The following SH3PXD2A variants were observed in gnomAD, a reference collection of about 807,000 sequenced individuals.
SH3PXD2A encodes the protein SH3 and PX domains 2A, also known as SH3 and PX domain-containing protein 2A.
A neutral mutation model predicts 115.2 loss-of-function variants in SH3PXD2A; 32 were observed. That is an observed-to-expected ratio of 0.28 (90% CI 0.21 to 0.37). The LOEUF (loss-of-function observed/expected upper bound fraction) is 0.37. Ranked by LOEUF, SH3PXD2A falls within the 10% of genes least tolerant of loss-of-function variation. The probability of loss-of-function intolerance (pLI) is 1.00; values close to 1 mark genes in which losing one functional copy is unlikely to be tolerated. For missense variants in SH3PXD2A, 1,328 were observed against 1,498.7 expected (o/e 0.89, Z 1.88); for synonymous variants, 610 against 629.1 (o/e 0.97, Z 0.45).
At chr10:103,608,299 C>T (rs1006073826) in intron 13 of SH3PXD2A, among the ~76,000 whole-genome samples, 7 of 150,490 alleles carry the variant, frequency 4.7e-5, no homozygotes, top group Non-Finnish European at 8.9e-5. Flanking sequence ...TCCCAGGGAA[C>T]GAGGCCCTGT....
intron 1 of SH3PXD2A, among the ~76,000 whole-genome samples, chr10:103,844,474 A>G (rs192571485): frequency 5.4e-4 from 82 of 152,336 alleles, no homozygotes; most frequent in Middle Eastern, 6.8e-3. Context: ...GCCTATCATG[A>G]AAGAGTTTAC....
At chr10:103,675,838 T>A (rs894431324) in intron 6 of SH3PXD2A, among the ~76,000 whole-genome samples, 2 of 151,870 alleles carry the variant, frequency 1.3e-5, no homozygotes, top group African/African-American at 4.8e-5. Flanking sequence ...AGGTCAGGAG[T>A]TCGAGACCAG....
At chr10:103,809,659 C>CCT (rs2039246039) in intron 1 of SH3PXD2A, among the ~76,000 whole-genome samples, 1 of 12,956 alleles carries the variant, frequency 7.7e-5, no homozygotes, top group Non-Finnish European at 1.6e-4. Context: ...CTCCTTCCCT[C>CCT]TCCCTCCCTC....
At chr10:103,801,486 C>A in intron 1 of SH3PXD2A, 124 bp from the exon 2 acceptor site, 1 of 626,660 alleles carries the variant, frequency 1.6e-6, no homozygotes, top group South Asian at 1.7e-5. Context: ...TCTCATCTGT[C>A]CCTAGGGGCT....
intron 7 of SH3PXD2A, among the ~76,000 whole-genome samples, chr10:103,662,365 A>G: frequency 8.6e-6 from 1 of 116,480 alleles, no homozygotes; most frequent in Non-Finnish European, 1.7e-5. Context: ...GGGGGGGATA[A>G]GACACTTAAA....
At chr10:103,754,034 A>C (rs2038610733) in intron 3 of SH3PXD2A, 2 of 152,214 alleles carry the variant, frequency 1.3e-5, no homozygotes, top group African/African-American at 4.8e-5. Context: ...GCCAGGAGTA[A>C]AAACTGTGCC....
rs1445909661 is a variant in SH3PXD2A, at chr10:103,746,504, T to C, written c.230-10696A>G. On this transcript the variant is annotated intron_variant, in intron 3 of 14. Coordinates refer to ENST00000369774, the MANE Select transcript of SH3PXD2A (RefSeq NM_001394015.1). The surrounding 1 kb of genome is among the most constrained non-coding windows in gnomAD (Gnocchi z 4.4). ...CAGGCTAATTTTTTGTATTTTTTTG[T>C]AGAAACTGGGTTTCACCATGTAGCC... is the stretch of plus-strand genomic sequence containing the variant. Among the ~76,000 whole-genome samples, 1 of 152,072 alleles carries C rather than the reference T, an allele frequency of 6.6e-6. No individual in the cohort carries two copies. Among genetic ancestry groups the C allele is most frequent in the East Asian group, 1.9e-4 (1 of 5,180 alleles).
In SH3PXD2A at chr10:103,602,472, C is replaced by A. The variant is rs969758090; in HGVS notation, c.2746G>T (p.Gly916Cys). The A allele has an allele frequency of 6.2e-7, 1 of 1,614,022 alleles. No homozygotes were observed. Among genetic ancestry groups the A allele is most frequent in the Non-Finnish European group, 8.5e-7 (1 of 1,180,014 alleles). ...TCTGATTTGCCTTCGTTCTGCCTGC[C>A]CTTGGCGGGCACTGTGTCCAGCTCT... is the stretch of plus-strand genomic sequence containing the variant. Reference protein sequence around the residue: ...GKELDTVPAKGRQNEGKSDSL... With the variant: ...GKELDTVPAKCRQNEGKSDSL... Residue 916 changes from glycine to cysteine, a missense_variant, in exon 15 of 15, where the codon GGC becomes TGC. Physicochemically the swap from Gly to Cys is radical, Grantham distance 159 (BLOSUM62 -3). Coordinates refer to ENST00000369774, the MANE Select transcript of SH3PXD2A (RefSeq NM_001394015.1).
chr10:103,660,176 C>G (rs2037270611), intron 8 of SH3PXD2A, among the ~76,000 whole-genome samples: 1 of 152,182 alleles, frequency 6.6e-6, no homozygotes, highest in Admixed American at 6.5e-5. Context: ...CATGCAAGCC[C>G]TGGGAGGCTG....
chr10:103,829,021 C>T (rs1344762222), intron 1 of SH3PXD2A, among the ~76,000 whole-genome samples: 1 of 152,180 alleles, frequency 6.6e-6, no homozygotes, highest in East Asian at 1.9e-4. Flanking sequence ...GAAGTCTCCA[C>T]CACATCTTTT....
At chr10:103,722,564 A>C (rs186238324) in intron 5 of SH3PXD2A, among the ~76,000 whole-genome samples, 112 of 151,020 alleles carry the variant, frequency 7.4e-4, no homozygotes, top group Admixed American at 2.0e-3. Context: ...GGCTTCTCAA[A>C]GTGCTGGGAT....
At chr10:103,654,770 T>C (rs1477206626) in intron 8 of SH3PXD2A, among the ~76,000 whole-genome samples, 10 of 152,052 alleles carry the variant, frequency 6.6e-5, no homozygotes, top group African/African-American at 2.4e-4. Flanking sequence ...GGTACAATTA[T>C]CCCCATTTTA....
At chr10:103,805,456 A>C (rs2039192561) in intron 1 of SH3PXD2A, among the ~76,000 whole-genome samples, 1 of 152,232 alleles carries the variant, frequency 6.6e-6, no homozygotes. Context: ...CATGGTTATC[A>C]CTGGAGTGTG....
chr10:103,686,138 T>C (rs1406680122), intron 6 of SH3PXD2A, among the ~76,000 whole-genome samples: 1 of 152,190 alleles, frequency 6.6e-6, no homozygotes, highest in Non-Finnish European at 1.5e-5. Context: ...GCTCACCACT[T>C]TTCCAAGGAG....
intron 10 of SH3PXD2A, among the ~76,000 whole-genome samples, chr10:103,621,469 G>T (rs1238538809): frequency 3.9e-5 from 6 of 152,248 alleles, no homozygotes; most frequent in Non-Finnish European, 7.3e-5. Flanking sequence ...CCTGTGTCCA[G>T]GCTTCCTGCT....
chr10:103,736,432 C>T (rs190586947), intron 3 of SH3PXD2A, among the ~76,000 whole-genome samples: 1 of 152,388 alleles, frequency 6.6e-6, no homozygotes, highest in African/African-American at 2.4e-5. Flanking sequence ...ATGCCAGCCC[C>T]TCAGACCTTC....
intron 5 of SH3PXD2A, among the ~76,000 whole-genome samples, chr10:103,721,321 C>T (rs1038793733): frequency 6.6e-6 from 1 of 152,172 alleles, no homozygotes; most frequent in Non-Finnish European, 1.5e-5. Flanking sequence ...GGCCAAAGAT[C>T]ACTGAGCCTT....
chr10:103,782,346 T>C (rs970786695), intron 2 of SH3PXD2A, among the ~76,000 whole-genome samples: 1 of 152,208 alleles, frequency 6.6e-6, no homozygotes, highest in Non-Finnish European at 1.5e-5. Context: ...GAAGTCCTCA[T>C]TGTTCTCTGC....
intron 1 of SH3PXD2A, among the ~76,000 whole-genome samples, chr10:103,823,945 T>C (rs1311156461): frequency 6.6e-6 from 1 of 152,254 alleles, no homozygotes; most frequent in African/African-American, 2.4e-5. Flanking sequence ...AAAAGAGACA[T>C]CTCAGCACCC....
Sources: allele counts gnomAD v4.1 joint callset (sites outside exome capture counted in the v4.1 genomes callset), GRCh38; gene constraint gnomAD v4.1.1; non-coding constraint Gnocchi (gnomAD v3.1); transcripts MANE v1.5; gene names NCBI Gene and HGNC (gene_info 2026-07-23, HGNC 2026-07-21).